Variants in CPNE3 observed in about 807,000 individuals in gnomAD.
The protein encoded by CPNE3 is copine-3.
A neutral mutation model predicts 63.9 loss-of-function variants in CPNE3; 68 were observed. That is an observed-to-expected ratio of 1.06 (90% CI 0.87 to 1.30). The LOEUF is 1.30. Ranked by LOEUF, CPNE3 falls within the 50% of genes most tolerant of loss-of-function variation. CPNE3 has a pLI of 0.00. For missense variants in CPNE3, 665 were observed against 578.1 expected (o/e 1.15, Z -1.54); for synonymous variants, 219 against 197.5 (o/e 1.11, Z -0.91).
At chr8:86,533,845 T>G (rs1374823927) in intron 6 of CPNE3, among the ~76,000 whole-genome samples, 1 of 151,840 alleles carries the variant, frequency 6.6e-6, no homozygotes, top group Non-Finnish European at 1.5e-5. Context: ...AATCTGTAAA[T>G]TTCTTCCTTT....
chr8:86,533,921 G>A (rs969302402), intron 6 of CPNE3, among the ~76,000 whole-genome samples: 1 of 151,674 alleles, frequency 6.6e-6, no homozygotes. Flanking sequence ...CATCCATTGT[G>A]GAATTTATTC....
chr8:86,548,672 T>C (rs1821107530), intron 12 of CPNE3, among the ~76,000 whole-genome samples: 1 of 152,194 alleles, frequency 6.6e-6, no homozygotes, highest in Non-Finnish European at 1.5e-5. Flanking sequence ...TTATATTACA[T>C]ATAGTTTGCT....
At chr8:86,552,859 G>C in intron 14 of CPNE3, among the ~76,000 whole-genome samples, 1 of 105,870 alleles carries the variant, frequency 9.4e-6, no homozygotes, top group East Asian at 2.8e-4. Flanking sequence ...TTTTTTTCGA[G>C]ACGAAGTCTT....
At chr8:86,532,398 T>G in intron 5 of CPNE3, 111 bp from the exon 6 acceptor site, 1 of 632,138 alleles carries the variant, frequency 1.6e-6, no homozygotes, top group Non-Finnish European at 2.6e-6. Flanking sequence ...CATTTTAGAA[T>G]TCATTTATAT....
At chr8:86,526,718 A>T (rs148632483) in intron 2 of CPNE3, among the ~76,000 whole-genome samples, 3,509 of 152,034 alleles carry the variant, frequency 0.023, 137 homozygotes, top group African/African-American at 0.079. Flanking sequence ...CACCATGTTG[A>T]CCAGGCCGGT....
Position 86,557,249 on chromosome 8 carries a change from T to C in CPNE3, c.1491+911T>C, listed in dbSNP as rs186883640. The stretch of plus-strand genomic sequence containing the variant: ...CCTGGGTTCAAGTGATTCTCATGCC[T>C]CAGCCTCCCGAATAGCTGGGATTAC... On this transcript the variant is annotated intron_variant, in intron 16 of 16. Transcript: ENST00000517490. Among the ~76,000 whole-genome samples the C allele has an allele frequency of 4.6e-3, 704 of 152,304 alleles. 4 individuals are homozygous for C. Among genetic ancestry groups the C allele is most frequent in the African/African-American group, 0.016 (672 of 41,566 alleles).
intron 9 of CPNE3, among the ~76,000 whole-genome samples, chr8:86,545,761 A>G (rs1269805015): frequency 6.6e-6 from 1 of 152,224 alleles, no homozygotes; most frequent in Non-Finnish European, 1.5e-5. Context: ...TCAAGCATTT[A>G]TTGAATATCT....
chr8:86,546,565 AAG>A, intron 9 of CPNE3, 28 bp from the exon 10 acceptor site: 1 of 1,599,200 alleles, frequency 6.3e-7, no homozygotes. Flanking sequence ...TGCTAATAAA[AAG>A]TAACATTTTT....
At chr8:86,543,185 T>C (rs1169871579) in intron 8 of CPNE3, among the ~76,000 whole-genome samples, 6 of 152,084 alleles carry the variant, frequency 3.9e-5, no homozygotes, top group African/African-American at 1.4e-4. Flanking sequence ...AGGTTTTTGG[T>C]TTAAAAATTG....
rs1343040424 is a variant in CPNE3 at position 86,558,390 on chromosome 8, A to G, written c.1594A>G (p.Thr532Ala). Residue 532 changes from threonine to alanine, a missense_variant, in exon 17 of 17, where the codon ACG becomes GCG. Transcript: ENST00000517490. ...YKLLPPKNPA[T>A]KQQKQ ...ACTCCTTCCTCCCAAGAACCCAGCC[A>G]CGAAACAACAGAAGCAGTGACCACT... 3 of 872,998 alleles carry G rather than the reference A, an allele frequency of 3.4e-6. No individual in the cohort carries two copies. In the East Asian group the frequency reaches 7.2e-5, roughly 21 times the overall value. The allele number at this position is 872,998 out of a possible 1,614,324, so 54.1% of individuals were successfully genotyped here.
At chr8:86,515,888 G>C (rs1278195053) in intron 2 of CPNE3, among the ~76,000 whole-genome samples, 1 of 152,138 alleles carries the variant, frequency 6.6e-6, no homozygotes, top group East Asian at 1.9e-4. Flanking sequence ...ACTTGTGCAA[G>C]CCTAGAACAT....
chr8:86,551,324 G>T, intron 14 of CPNE3, 90 bp downstream of exon 14: 1 of 896,342 alleles, frequency 1.1e-6, no homozygotes, highest in Non-Finnish European at 1.8e-6. Context: ...TTTTTCTTGT[G>T]ATTAAAACTA....
chr8:86,543,010 T>A (rs1345328124), intron 8 of CPNE3, among the ~76,000 whole-genome samples: 2 of 152,246 alleles, frequency 1.3e-5, no homozygotes, highest in Middle Eastern at 3.4e-3. Flanking sequence ...AAATCTAAAA[T>A]GTAAAGTTCT....
intron 2 of CPNE3, among the ~76,000 whole-genome samples, chr8:86,522,068 T>G (rs1458806565): frequency 6.6e-6 from 1 of 152,202 alleles, no homozygotes; most frequent in Non-Finnish European, 1.5e-5. Flanking sequence ...TGTCTACCCT[T>G]GAATGTAAGG....
chr8:86,531,419 G>A (rs1004019278), intron 5 of CPNE3, among the ~76,000 whole-genome samples, 190 bp downstream of exon 5: 1 of 152,176 alleles, frequency 6.6e-6, no homozygotes, highest in Non-Finnish European at 1.5e-5. Context: ...GAAACATGCA[G>A]TGTAGTAATC....
chr8:86,542,794 A>ATGTTTATTAT (rs1820971546), intron 8 of CPNE3, among the ~76,000 whole-genome samples: 1 of 152,024 alleles, frequency 6.6e-6, no homozygotes, highest in African/African-American at 2.4e-5. Flanking sequence ...TCAAGGGGAC[A>ATGTTTATTAT]AGAGGGAGCT....
At chr8:86,554,624 A>G (rs1052096700) in intron 14 of CPNE3, among the ~76,000 whole-genome samples, 1 of 152,196 alleles carries the variant, frequency 6.6e-6, no homozygotes, top group Non-Finnish European at 1.5e-5. Flanking sequence ...GACTGAGATG[A>G]AAGTAAATCC....
chr8:86,532,512 T>G lies in CPNE3; in HGVS notation c.391T>G (p.Ser131Ala). 6.2e-7 allele frequency: 1 copy of G among 1,610,086 alleles called. No individual in the cohort carries two copies. Among genetic ancestry groups the G allele is most frequent in the South Asian group, 1.1e-5 (1 of 90,140 alleles). ...RPAGKGSITI[S>A]AEEIKDNRVV... ...CACTTACCTGATCTACTCATAGATT[T>G]CAGCTGAAGAAATAAAAGATAATAG... The change falls in exon 6 of 17, where the codon TCA (serine) becomes GCA (alanine). Residue 131 changes from serine (S) to alanine (A), a missense_variant. By Grantham distance (99) the Ser-to-Ala change is moderately conservative. Transcript: ENST00000517490.
chr8:86,548,248 G>A, intron 11 of CPNE3, 53 bp from the exon 12 acceptor site: 1 of 1,596,652 alleles, frequency 6.3e-7, no homozygotes, highest in Admixed American at 1.7e-5. Flanking sequence ...TGGACATCAA[G>A]CACAGGTGTC....
Sources: allele counts gnomAD v4.1 joint callset (sites outside exome capture counted in the v4.1 genomes callset), GRCh38; gene constraint gnomAD v4.1.1; transcripts MANE v1.5; gene names NCBI Gene and HGNC (gene_info 2026-07-23, HGNC 2026-07-21).